The following ARHGAP28 variants were observed in gnomAD, a reference collection of about 807,000 sequenced individuals.
The protein encoded by ARHGAP28 is rho GTPase-activating protein 28.
Under a neutral mutation model 90.7 loss-of-function variants are expected in ARHGAP28, and 56 were observed. The ratio of observed to expected loss-of-function variants is 0.62; its 90% CI spans 0.50 to 0.77. The LOEUF is 0.77. Among genes scored for constraint, ARHGAP28 ranks in the 30% least tolerant of loss-of-function variants. The pLI is 0.00. For synonymous variants in ARHGAP28, 308 were observed against 323.3 expected (o/e 0.95, Z 0.51); for missense variants, 869 against 900.9 (o/e 0.96, Z 0.45).
At chr18:6,736,235 T>C (rs548504002) in intron 1 of ARHGAP28, among the ~76,000 whole-genome samples, 1 of 152,282 alleles carries the variant, frequency 6.6e-6, no homozygotes, top group East Asian at 1.9e-4. Flanking sequence ...GCTGATTTTG[T>C]TTTTATCTCA....
In ARHGAP28 at chr18:6,805,141, G is replaced by A. The variant is rs899130166; in HGVS notation, c.123-19621G>A. On this transcript the variant is annotated intron_variant, in intron 1 of 17. Coordinates refer to ENST00000383472, the MANE Select transcript of ARHGAP28 (RefSeq NM_001366230.1). ...ATGCCACCATGCCCAGCTGAAAGAG[G>A]GGTTTTGAAATCTTTTACTGTAATT... is the stretch of plus-strand genomic sequence containing the variant. Among the ~76,000 whole-genome samples the A allele has an allele frequency of 5.8e-4, 88 of 151,934 alleles. 1 individual carries two copies. Among genetic ancestry groups the A allele is most frequent in the African/African-American group, 2.1e-3 (87 of 41,348 alleles).
chr18:6,878,215 A>T (rs1398910832), intron 10 of ARHGAP28, among the ~76,000 whole-genome samples: 1 of 151,922 alleles, frequency 6.6e-6, no homozygotes, highest in Non-Finnish European at 1.5e-5. Flanking sequence ...TGAAATTGGA[A>T]ATCATCATTC....
At chr18:6,771,838 G>A (rs1335600980) in intron 1 of ARHGAP28, among the ~76,000 whole-genome samples, 2 of 152,182 alleles carry the variant, frequency 1.3e-5, no homozygotes, top group Non-Finnish European at 2.9e-5. Flanking sequence ...TCTTTATGTA[G>A]TTAGATAAAA....
At chr18:6,758,814 T>G (rs752491127) in intron 1 of ARHGAP28, among the ~76,000 whole-genome samples, 4 of 152,210 alleles carry the variant, frequency 2.6e-5, no homozygotes, top group Non-Finnish European at 5.9e-5. Flanking sequence ...TAAATGAGAA[T>G]TGTGGTCTTC....
chr18:6,834,881 G>A (rs1029236285), intron 2 of ARHGAP28, among the ~76,000 whole-genome samples: 7 of 152,126 alleles, frequency 4.6e-5, no homozygotes, highest in African/African-American at 9.7e-5. Context: ...GTTGAAATAC[G>A]GAATCCTGAA....
chr18:6,742,690 G>A (rs75413529), intron 1 of ARHGAP28, among the ~76,000 whole-genome samples: 3,256 of 152,254 alleles, frequency 0.021, 54 homozygotes, highest in Non-Finnish European at 0.035. Context: ...TTATTCATGG[G>A]AGACTTCAGC....
At chr18:6,861,943 TTTTTA>T (rs1041464485) in intron 5 of ARHGAP28, among the ~76,000 whole-genome samples, 21 of 152,288 alleles carry the variant, frequency 1.4e-4, no homozygotes, top group African/African-American at 5.1e-4. Context: ...CCAGATTTTA[TTTTTA>T]TTTTCATTTT....
intron 14 of ARHGAP28, among the ~76,000 whole-genome samples, chr18:6,892,571 G>A (rs1292356681): frequency 6.6e-6 from 1 of 152,080 alleles, no homozygotes; most frequent in Non-Finnish European, 1.5e-5. Context: ...ACAGCTATTT[G>A]TTGAAGACTG....
intron 3 of ARHGAP28, among the ~76,000 whole-genome samples, chr18:6,839,279 A>G (rs73941135): frequency 0.026 from 3,854 of 150,086 alleles, 99 homozygotes; most frequent in African/African-American, 0.067. Flanking sequence ...TTAGATTCAC[A>G]TTAACCAGCA....
chr18:6,761,898 A>T (rs1354118110), intron 1 of ARHGAP28, among the ~76,000 whole-genome samples: 1 of 152,132 alleles, frequency 6.6e-6, no homozygotes. Context: ...TTGTTGGCAC[A>T]CTCTGTGGTT....
chr18:6,831,471 G>GTTTTTTTTTTTTTTTTTTTTTTTTTT (rs57331018), intron 2 of ARHGAP28, among the ~76,000 whole-genome samples: 1 of 109,306 alleles, frequency 9.1e-6, no homozygotes, highest in African/African-American at 3.5e-5. Context: ...GTATCTTGAT[G>GTTTTTTTTTTTTTTTTTTTTTTTTTT]TTTTTTTTTT....
In ARHGAP28 at chr18:6,908,996, A is replaced by G. The variant is rs749772797; in HGVS notation, c.2067A>G (p.Gln689=). The change falls in exon 17 of 18, where the codon CAA becomes CAG. Residue 689 remains glutamine, a synonymous_variant. Transcript: ENST00000383472. ...CAGAATGTATTAAGATTCAGAACCAAAGGTTATATGAAATTGGAGGAAATA... is the reference window on the plus strand; with the variant it reads ...CAGAATGTATTAAGATTCAGAACCAGAGGTTATATGAAATTGGAGGAAATA... ...GSSECIKIQN[Q]RLYEIGGNIG... is the part of the protein sequence containing the mutation. 1 of 1,537,394 alleles carries G rather than the reference A, an allele frequency of 6.5e-7. No individual in the cohort carries two copies. Among genetic ancestry groups the G allele is most frequent in the Admixed American group, 1.7e-5 (1 of 58,126 alleles).
chr18:6,866,246 C>T (rs2057037429), intron 5 of ARHGAP28, among the ~76,000 whole-genome samples: 1 of 152,176 alleles, frequency 6.6e-6, no homozygotes, highest in Non-Finnish European at 1.5e-5. Context: ...TAAGTCTCAA[C>T]TCTTTGACGT....
At chr18:6,811,586 G>T (rs778050944) in intron 1 of ARHGAP28, among the ~76,000 whole-genome samples, 5 of 152,156 alleles carry the variant, frequency 3.3e-5, no homozygotes, top group Non-Finnish European at 7.4e-5. Context: ...GTGTTCAGAA[G>T]TGCAGAGGGC....
intron 1 of ARHGAP28, among the ~76,000 whole-genome samples, chr18:6,822,278 G>A (rs186998670): frequency 8.6e-5 from 13 of 151,982 alleles, no homozygotes; most frequent in African/African-American, 2.2e-4. Context: ...GGAATTAGCC[G>A]AAAAAACCTA....
rs140524455 is a variant in ARHGAP28 at position 6,870,947 on chromosome 18, C to A, written c.954+215C>A. Among the ~76,000 whole-genome samples, 1,063 of 152,236 alleles carry A rather than the reference C, an allele frequency of 7.0e-3. 6 individuals are homozygous for A. Among genetic ancestry groups the A allele is most frequent in the Non-Finnish European group, 0.013 (859 of 68,010 alleles). ...TCCCGAGTAGCTGGGACTACAGGCA[C>A]CTGCCAACTTGCCCGGCTAATTTTT... On this transcript the variant is annotated intron_variant, in intron 7 of 17. Transcript: ENST00000383472.
chr18:6,803,637 A>C (rs2143641314), intron 1 of ARHGAP28, among the ~76,000 whole-genome samples: 1 of 152,206 alleles, frequency 6.6e-6, no homozygotes, highest in East Asian at 1.9e-4. Flanking sequence ...TTTCTGAAAG[A>C]GTTTTTGGAG....
intron 3 of ARHGAP28, among the ~76,000 whole-genome samples, chr18:6,845,813 A>C (rs2056862001): frequency 6.6e-6 from 1 of 152,206 alleles, no homozygotes; most frequent in Non-Finnish European, 1.5e-5. Context: ...CTAAATGTAA[A>C]TATCATGGGA....
chr18:6,785,990 A>C (rs2143517283), intron 1 of ARHGAP28, among the ~76,000 whole-genome samples: 1 of 152,364 alleles, frequency 6.6e-6, no homozygotes, highest in African/African-American at 2.4e-5. Flanking sequence ...GTGTTTCTTC[A>C]TATGGGTTGA....
Sources: gnomAD v4.1 joint callset for allele counts (sites outside exome capture counted in the v4.1 genomes callset) on GRCh38, gnomAD v4.1.1 for gene constraint, MANE v1.5 for transcripts, NCBI Gene and HGNC (gene_info 2026-07-23, HGNC 2026-07-21) for gene names.